The following XCR1 variants were observed in gnomAD, a reference collection of about 807,000 sequenced individuals.
The protein encoded by XCR1 is chemokine XC receptor 1.
For missense variants in XCR1, 356 were observed against 424.2 expected (o/e 0.84, Z 1.41); for synonymous variants, 187 against 188.5 (o/e 0.99, Z 0.06).
intron 5 of XCR1, among the ~76,000 whole-genome samples, chr3:46,053,851 A>C (rs922458488): frequency 2.6e-5 from 4 of 152,108 alleles, no homozygotes; most frequent in African/African-American, 9.7e-5. Context: ...TGTTACCCTG[A>C]TTCAGAAAAC....
chr3:46,049,788 G>A (rs149193496), intron 5 of XCR1, among the ~76,000 whole-genome samples: 1,628 of 152,314 alleles, frequency 0.011, 69 homozygotes, highest in Admixed American at 0.097. Flanking sequence ...ATAATCACAG[G>A]AAGAATGAAA....
chr3:46,059,093 T>C (rs1331546852), intron 4 of XCR1, among the ~76,000 whole-genome samples: 4 of 152,090 alleles, frequency 2.6e-5, no homozygotes, highest in Admixed American at 1.3e-4. Flanking sequence ...AAATGGTAAA[T>C]ATGAGACAGG....
intron 5 of XCR1, among the ~76,000 whole-genome samples, chr3:46,042,292 T>C (rs1045769752): frequency 6.6e-6 from 1 of 151,768 alleles, no homozygotes. Flanking sequence ...ACTAACCCAA[T>C]GCTAGCAGAA....
exon 3 of XCR1, among the ~76,000 whole-genome samples, chr3:46,074,695 A>G (rs867966614): frequency 2.1e-4 from 32 of 152,266 alleles, no homozygotes; most frequent in Middle Eastern, 6.8e-3. Context: ...TTTCATCCTC[A>G]TTGTCTTCAC....
At position 46,051,951 on chromosome 3, in the gene XCR1, G is replaced by A. The variant is rs773178557; in HGVS notation, c.-32+1969C>T. ...TGAGGCAGGAGAATGGCATGGACCCGGGAGGCGGAGCTTGCAGTGAGACAA... is the reference window on the plus strand; with the variant it reads ...TGAGGCAGGAGAATGGCATGGACCCAGGAGGCGGAGCTTGCAGTGAGACAA... On this transcript the variant is annotated intron_variant, in intron 5 of 5. Coordinates refer to the XCR1 transcript ENST00000683768. Among the ~76,000 whole-genome samples, 10 of 152,244 alleles carry A rather than the reference G, an allele frequency of 6.6e-5. No homozygotes were observed. The East Asian group carries it at 9.7e-4, about 15-fold the overall frequency.
At chr3:46,026,917 G>C (rs1394370322) in intron 1 of XCR1, among the ~76,000 whole-genome samples, 2 of 149,268 alleles carry the variant, frequency 1.3e-5, no homozygotes, top group African/African-American at 4.9e-5. Context: ...TTTTTGACAG[G>C]GTCTCGCCCT....
chr3:46,024,074 T>C (rs1270870389), intron 1 of XCR1: 2 of 932,280 alleles, frequency 2.1e-6, no homozygotes, highest in African/African-American at 3.3e-5. Flanking sequence ...ATCCCCAGTC[T>C]TCCTCCCTTG....
At position 46,020,829 on chromosome 3, in the gene XCR1, CGGA is replaced by C; in HGVS notation, c.*114_*116del. 3 of 1,332,728 alleles carry C rather than the reference CGGA, an allele frequency of 2.3e-6. No individual in the cohort carries two copies. The highest frequency in any genetic ancestry group is 3.0e-6 in the Non-Finnish European group (3 of 1,000,634). 82.6% of individuals were successfully genotyped at this position (1,332,728 alleles called of 1,614,324 possible). A position where few individuals can be genotyped will look rare whatever the true frequency, so the allele number is the denominator to read the frequency against. On this transcript the variant is annotated 3_prime_UTR_variant, in exon 2 of 2. Coordinates refer to ENST00000309285, the MANE Select transcript of XCR1 (RefSeq NM_001024644.2). The stretch of plus-strand genomic sequence containing the variant: ...AATGACCTTCACTGCACGCCTGCAG[CGGA>C]GGAGACGTCTCCACCCTGCTGTGTT...
chr3:46,072,623 C>T lies in XCR1; in HGVS notation c.-263+2028G>A, dbSNP rs140703043. ...CTGATGAAAGAAATTATAGATGACC[C>T]AAATAAAAGGACAAATATCTCATGT... On this transcript the variant is annotated intron_variant, in intron 3 of 5. Coordinates refer to the XCR1 transcript ENST00000683768. 1.1e-4 allele frequency among the ~76,000 whole-genome samples: 16 copies of T among 152,128 alleles called. No individual in the cohort carries two copies. In the East Asian group the frequency reaches 2.1e-3, roughly 20 times the overall value.
intron 1 of XCR1, among the ~76,000 whole-genome samples, chr3:46,026,538 G>A (rs1708290750): frequency 6.6e-6 from 1 of 151,186 alleles, no homozygotes; most frequent in African/African-American, 2.4e-5. Context: ...TTATTTATAT[G>A]TTAGGTCTAC....
chr3:46,023,195 T>C, intron 1 of XCR1: 1 of 470,286 alleles, frequency 2.1e-6, no homozygotes. Flanking sequence ...AGATTGTTGC[T>C]CCCTCTGCGC....
At chr3:46,022,007 G>T in intron 1 of XCR1, 29 bp from the exon 2 acceptor site, 1 of 1,536,324 alleles carries the variant, frequency 6.5e-7, no homozygotes, top group Non-Finnish European at 8.8e-7. Context: ...GGAGTTTAAA[G>T]CCATGTGGTG....
intron 2 of XCR1, among the ~76,000 whole-genome samples, chr3:46,075,308 C>CAAAAAAAAAAAAAAAAAAA (rs56787185): frequency 1.3e-4 from 8 of 61,650 alleles, no homozygotes; most frequent in East Asian, 4.3e-4. Flanking sequence ...GCTCATAGAC[C>CAAAAAAAAAAAAAAAAAAA]AAAAAAAAAA....
intron 1 of XCR1, among the ~76,000 whole-genome samples, chr3:46,026,791 C>G (rs1329906485): frequency 4.6e-5 from 7 of 152,100 alleles, no homozygotes; most frequent in Middle Eastern, 3.4e-3. Flanking sequence ...ACCATGTTAG[C>G]CAGGATGGTC....
Position 46,021,403 on chromosome 3 carries a change from C to G in XCR1, c.545G>C (p.Trp182Ser). 1.2e-6 allele frequency: 2 copies of G among 1,614,112 alleles called. No individual in the cohort carries two copies. Among genetic ancestry groups the G allele is most frequent in the East Asian group, 4.5e-5 (2 of 44,880 alleles). The stretch of plus-strand genomic sequence containing the variant: ...GTGCTGGTAGACGGAGGTGAGGTAC[C>G]ACGTGAGTTCGGAATAATCACAGCC... Reference protein sequence around the residue: ...SSGCDYSELTWYLTSVYQHNL... With the variant: ...SSGCDYSELTSYLTSVYQHNL... Residue 182 changes from tryptophan to serine, a missense_variant, in exon 2 of 2, where the codon TGG (tryptophan) becomes TCG (serine). Physicochemically the swap from Trp to Ser is radical, Grantham distance 177. Coordinates refer to ENST00000309285, the MANE Select transcript of XCR1 (RefSeq NM_001024644.2). The surrounding 1 kb of genome is among the most constrained non-coding windows in gnomAD (Gnocchi z 4.7).
At chr3:46,067,495 T>TGGCCAGA (rs1698098635) in intron 3 of XCR1, among the ~76,000 whole-genome samples, 2 of 152,164 alleles carry the variant, frequency 1.3e-5, no homozygotes, top group Admixed American at 6.5e-5. Flanking sequence ...GTTCCATGCC[T>TGGCCAGA]TCAGTTCTGG....
At chr3:46,053,644 A>G (rs60643519) in intron 5 of XCR1, among the ~76,000 whole-genome samples, 31,217 of 151,800 alleles carry the variant, frequency 0.21, 3,305 homozygotes, top group Middle Eastern at 0.34. Context: ...TTTTTGATGA[A>G]CCTGTTTTAA....
chr3:46,083,357 G>A (rs995142373), intron 1 of XCR1, among the ~76,000 whole-genome samples: 2 of 152,216 alleles, frequency 1.3e-5, no homozygotes, highest in Non-Finnish European at 2.9e-5. Flanking sequence ...AGCATGGAAT[G>A]TTGAAGGGCA....
chr3:46,059,328 A>G (rs1037653689), intron 4 of XCR1, among the ~76,000 whole-genome samples: 10 of 152,218 alleles, frequency 6.6e-5, no homozygotes, highest in African/African-American at 2.2e-4. Context: ...GTAGCAATAC[A>G]TCTTCTCTCT....
Sources: allele counts gnomAD v4.1 joint callset (sites outside exome capture counted in the v4.1 genomes callset), GRCh38; gene constraint gnomAD v4.1.1; non-coding constraint Gnocchi (gnomAD v3.1); transcripts MANE v1.5; gene names NCBI Gene and HGNC (gene_info 2026-07-23, HGNC 2026-07-21).